DNAH17: variants seen among roughly 807,000 people sequenced by gnomAD.
The protein encoded by DNAH17 is axonemal beta dynein heavy chain 17.
DNAH17 carries 376 observed loss-of-function variants against 485.6 expected under a neutral mutation model. The observed-to-expected ratio is 0.77, with a 90% confidence interval of 0.71 to 0.84. The LOEUF (loss-of-function observed/expected upper bound fraction) is 0.84, where lower values mean the gene tolerates loss of function less well. DNAH17 is among the 40% of genes least tolerant of loss of function. The pLI, the probability that DNAH17 is intolerant of heterozygous loss-of-function variation, is 0.00. For synonymous variants in DNAH17, 3,031 were observed against 2,405.9 expected, an observed-to-expected ratio of 1.26 and a Z score of -7.60; for missense variants, 6,370 against 5,839.3, an observed-to-expected ratio of 1.09 and a Z score of -2.96.
rs547757910 is a variant in DNAH17, at chr17:78,507,518, G to A, written c.4524C>T (p.Asp1508=). The A allele has an allele frequency of 1.9e-6, 3 of 1,613,884 alleles. No individual in the cohort carries two copies. Among genetic ancestry groups the A allele is most frequent in the Non-Finnish European group, 8.5e-7 (1 of 1,179,732 alleles). ...HLESIFIGSE[D]IRTQLPGDSQ... is the part of the protein sequence containing the mutation. ...AGTCCCCCGGGAGCTGGGTGCGGATGTCTTCGGAGCCGATGAAGATGCTCT... is the reference window on the plus strand; with the variant it reads ...AGTCCCCCGGGAGCTGGGTGCGGATATCTTCGGAGCCGATGAAGATGCTCT... Residue 1508 remains aspartate (D), a synonymous_variant, in exon 28 of 81, where the codon GAC becomes GAT. Coordinates refer to ENST00000389840, the MANE Select transcript of DNAH17 (RefSeq NM_173628.4).
intron 56 of DNAH17, among the ~76,000 whole-genome samples, chr17:78,464,471 G>A (rs1054082350): frequency 6.6e-6 from 1 of 152,222 alleles, no homozygotes; most frequent in East Asian, 1.9e-4. Context: ...ATGTTGGCCA[G>A]GCTGATCTCG....
intron 58 of DNAH17, 150 bp downstream of exon 58, chr17:78,461,394 G>A (rs1017188214): frequency 4.3e-5 from 35 of 809,184 alleles, no homozygotes; most frequent in Middle Eastern, 4.0e-4. Flanking sequence ...AGACTCCTTC[G>A]GGGGTCCCAC....
intron 27 of DNAH17, among the ~76,000 whole-genome samples, chr17:78,508,137 G>A (rs629065): frequency 0.25 from 37,799 of 152,038 alleles, 5,196 homozygotes; most frequent in East Asian, 0.47. Flanking sequence ...AGATCAGAAC[G>A]TGCCACCCCA....
Position 78,450,403 on chromosome 17 carries a change from AAAC to A in DNAH17, c.10900-12_10900-10del. On this transcript the variant is annotated splice_polypyrimidine_tract_variant and intron_variant, in intron 67 of 80. Coordinates refer to ENST00000389840, the MANE Select transcript of DNAH17 (RefSeq NM_173628.4). ...ATTTTTGCCTCCACCACCTCGACAC[AAAC>A]AAAAGGGGTGTGAATGACACAGCAG... 6 of 1,613,662 alleles carry A rather than the reference AAAC, an allele frequency of 3.7e-6. No individual in the cohort carries two copies. Among genetic ancestry groups the A allele is most frequent in the Non-Finnish European group, 3.4e-6 (4 of 1,179,788 alleles).
intron 79 of DNAH17, 83 bp from the exon 80 acceptor site, chr17:78,425,654 T>TCA: frequency 3.1e-6 from 4 of 1,303,926 alleles, no homozygotes; most frequent in Non-Finnish European, 4.2e-6. Context: ...TGAGCAGGGG[T>TCA]CACGCCAGAA....
At chr17:78,460,071 C>T (rs954007375) in intron 59 of DNAH17, 70 bp from the exon 60 acceptor site, 91 of 1,592,398 alleles carry the variant, frequency 5.7e-5, no homozygotes, top group South Asian at 3.6e-4. Flanking sequence ...CCGAAGAAGC[C>T]GCCATGAGTG....
At chr17:78,573,472 G>A (rs2143749844) in intron 2 of DNAH17, among the ~76,000 whole-genome samples, 1 of 152,058 alleles carries the variant, frequency 6.6e-6, no homozygotes, top group South Asian at 2.1e-4. Context: ...GGTGGCACCT[G>A]CCTATAATCC....
rs2143714939 is a variant in DNAH17 at position 78,569,497 on chromosome 17, G to A, written c.1075C>T (p.Leu359=). Residue 359 remains leucine (L), a synonymous_variant, in exon 8 of 81, where the codon CTG becomes TTG. Coordinates refer to ENST00000389840, the MANE Select transcript of DNAH17 (RefSeq NM_173628.4). ...TRTFLSPEEV[L]KGLQGEIEEV... is the part of the protein sequence containing the mutation. ...TCGATTTCACCTTGCAGGCCCTTCA[G>A]CACCTCTTCCGGGCTCAGGAAGGTT... 1 of 1,609,830 alleles carries A rather than the reference G, an allele frequency of 6.2e-7. No individual in the cohort carries two copies. The highest frequency in any genetic ancestry group is 2.2e-5 in the East Asian group (1 of 44,762).
intron 54 of DNAH17, among the ~76,000 whole-genome samples, chr17:78,475,054 G>T (rs58470902): frequency 1.4e-5 from 2 of 144,872 alleles, no homozygotes; most frequent in Non-Finnish European, 3.0e-5. Context: ...TCAGTCACAC[G>T]GGCTGGAAGG....
At chr17:78,468,107 G>A (rs1440266217) in intron 55 of DNAH17, among the ~76,000 whole-genome samples, 1 of 150,770 alleles carries the variant, frequency 6.6e-6, no homozygotes, top group Non-Finnish European at 1.5e-5. Context: ...TCCACATAGA[G>A]TCGGTTGTCT....
In DNAH17 at chr17:78,468,667, G is replaced by A. The variant is rs202169863; in HGVS notation, c.8728C>T (p.Arg2910Trp). ...ATGAAGAACTTCCAACATGTTTCCCGAGTGTCATTCATGCCAAGGGACTTG... is the reference window on the plus strand; with the variant it reads ...ATGAAGAACTTCCAACATGTTTCCCAAGTGTCATTCATGCCAAGGGACTTG... ...QVKSLGMNDT[R>W]ETCWKFFIEK... The change falls in exon 55 of 81, where the codon CGG (arginine) becomes TGG (tryptophan). Residue 2910 changes from arginine to tryptophan, a missense_variant. Coordinates refer to ENST00000389840, the MANE Select transcript of DNAH17 (RefSeq NM_173628.4). 702 of 1,613,946 alleles carry A rather than the reference G, an allele frequency of 4.3e-4. 3 individuals are homozygous for A. In the African/African-American group the frequency reaches 7.2e-3, roughly 17 times the overall value.
At position 78,543,822 on chromosome 17, in the gene DNAH17, TG is replaced by T. The variant is rs766374451; in HGVS notation, c.2532+34del. The T allele has an allele frequency of 3.2e-5, 51 of 1,613,790 alleles. No individual in the cohort carries two copies. In the South Asian group the frequency reaches 4.4e-4, roughly 14 times the overall value. ...CTCTCTCCTCCCTGCTAAAAGCAAG[TG>T]GGTTCTCAAAAAACCTCCTGGGTGT... On this transcript the variant is annotated intron_variant, in intron 17 of 80. Coordinates refer to ENST00000389840, the MANE Select transcript of DNAH17 (RefSeq NM_173628.4).
chr17:78,521,488 AAAAAT>A (rs988081549), intron 25 of DNAH17, among the ~76,000 whole-genome samples: 1 of 152,184 alleles, frequency 6.6e-6, no homozygotes, highest in African/African-American at 2.4e-5. Flanking sequence ...ATAAACAAAC[AAAAAT>A]AATAAATGAA....
At chr17:78,464,579 T>A (rs141321463) in intron 56 of DNAH17, among the ~76,000 whole-genome samples, 2 of 152,208 alleles carry the variant, frequency 1.3e-5, no homozygotes, top group African/African-American at 4.8e-5. Context: ...CATCTTTCAA[T>A]GAAAAGAGAC....
chr17:78,553,026 C>T (rs1027419604), intron 14 of DNAH17, among the ~76,000 whole-genome samples: 1 of 152,084 alleles, frequency 6.6e-6, no homozygotes, highest in Non-Finnish European at 1.5e-5. Flanking sequence ...AGCATCACCC[C>T]CCGATGCCGT....
chr17:78,537,275 C>A lies in DNAH17; in HGVS notation c.2859+24G>T, dbSNP rs370015030. ...GGAAAGCAATGGATGACCCTGTGTACGGCCAGAAGAGGCCAGGACTGACCT... is the reference window on the plus strand; with the variant it reads ...GGAAAGCAATGGATGACCCTGTGTAAGGCCAGAAGAGGCCAGGACTGACCT... On this transcript the variant is annotated intron_variant, in intron 19 of 80. Coordinates refer to ENST00000389840, the MANE Select transcript of DNAH17 (RefSeq NM_173628.4). The A allele has an allele frequency of 4.5e-6, 7 of 1,548,148 alleles. No homozygotes were observed. The South Asian group carries it at 4.8e-5, about 11-fold the overall frequency.
chr17:78,568,614 C>CT (rs2092305645), intron 9 of DNAH17, among the ~76,000 whole-genome samples: 5 of 152,192 alleles, frequency 3.3e-5, no homozygotes, highest in African/African-American at 1.2e-4. Flanking sequence ...GAAACAGGGT[C>CT]TCACTTTGTC....
chr17:78,429,799 T>C (rs186389638), intron 75 of DNAH17, among the ~76,000 whole-genome samples: 38 of 152,280 alleles, frequency 2.5e-4, no homozygotes, highest in Admixed American at 2.5e-3. Context: ...GGCCACGAAG[T>C]CGTTAGTCAT....
intron 21 of DNAH17, 105 bp downstream of exon 21, chr17:78,530,238 A>G (rs1218116166): frequency 7.4e-7 from 1 of 1,347,144 alleles, no homozygotes; most frequent in Non-Finnish European, 9.9e-7. Flanking sequence ...ACCCCCTGCT[A>G]CCCCAGAGGA....
Sources: gnomAD v4.1 joint callset for allele counts (sites outside exome capture counted in the v4.1 genomes callset) on GRCh38, gnomAD v4.1.1 for gene constraint, MANE v1.5 for transcripts, NCBI Gene and HGNC (gene_info 2026-07-23, HGNC 2026-07-21) for gene names.